Variants in RO60 observed in about 807,000 individuals in gnomAD.
RO60 encodes the protein RNA-binding protein RO60.
A neutral mutation model predicts 55.3 loss-of-function variants in RO60; 20 were observed. The observed-to-expected ratio is 0.36, with a 90% CI of 0.25 to 0.53. RO60 has a LOEUF of 0.53. RO60 is among the 20% of genes least tolerant of loss of function. RO60 has a pLI of 0.92. For synonymous variants in RO60, 213 were observed against 213.6 expected (o/e 1.00, Z 0.02); for missense variants, 558 against 646.6 (o/e 0.86, Z 1.49).
chr1:193,082,344 A>C, intron 7 of RO60, 45 bp downstream of exon 7: 1 of 1,448,348 alleles, frequency 6.9e-7, no homozygotes, highest in Non-Finnish European at 9.6e-7. Flanking sequence ...AGTTTACATA[A>C]CGTGTAGAAT....
At chr1:193,081,766 A>C (rs1442540673) in intron 6 of RO60, among the ~76,000 whole-genome samples, 2 of 152,106 alleles carry the variant, frequency 1.3e-5, no homozygotes, top group Admixed American at 1.3e-4. Context: ...AAAATGAAAA[A>C]AAGACAAATT....
chr1:193,079,960 C>CT (rs1448038266), intron 5 of RO60, among the ~76,000 whole-genome samples: 2 of 141,590 alleles, frequency 1.4e-5, no homozygotes, highest in Non-Finnish European at 3.1e-5. Flanking sequence ...TACCCCGTCT[C>CT]TAAAAAAAAA....
chr1:193,077,383 C>T (rs908066596), intron 5 of RO60, among the ~76,000 whole-genome samples: 6 of 152,098 alleles, frequency 3.9e-5, no homozygotes, highest in African/African-American at 1.4e-4. Flanking sequence ...GCTCATGGTT[C>T]CACAGGTTGT....
intron 2 of RO60, among the ~76,000 whole-genome samples, chr1:193,073,365 A>G (rs1673653436): frequency 6.6e-6 from 1 of 152,226 alleles, no homozygotes; most frequent in Non-Finnish European, 1.5e-5. Context: ...GATGTGTTTC[A>G]TGTGGCCTAT....
chr1:193,073,304 A>G (rs939295282), intron 2 of RO60, among the ~76,000 whole-genome samples: 1 of 152,238 alleles, frequency 6.6e-6, no homozygotes, highest in African/African-American at 2.4e-5. Flanking sequence ...TTAACTTTTG[A>G]TCAAGTTATT....
At chr1:193,082,809 G>A in intron 8 of RO60, 101 bp downstream of exon 8, 1 of 1,038,034 alleles carries the variant, frequency 9.6e-7, no homozygotes, top group Non-Finnish European at 1.3e-6. Context: ...CTGTTGCCCT[G>A]GCTGGAGTGC....
intron 1 of RO60, among the ~76,000 whole-genome samples, chr1:193,062,692 C>T (rs936298750): frequency 2.0e-5 from 3 of 152,154 alleles, no homozygotes; most frequent in Admixed American, 1.3e-4. Flanking sequence ...TCCCCCACTC[C>T]GACAGCCTCT....
At chr1:193,071,970 A>G (rs2370079) in intron 2 of RO60, among the ~76,000 whole-genome samples, 106,176 of 151,302 alleles carry the variant, frequency 0.7, 37,858 homozygotes, top group Non-Finnish European at 0.77. Context: ...ATTGATTGTG[A>G]TCACTATTCA....
Position 193,081,474 on chromosome 1 carries a change from G to A in RO60, c.1197G>A (p.Met399Ile), listed in dbSNP as rs1674310020. Reference protein sequence around the residue: ...ILNASTVAAAMCMVVTRTEKD... With the variant: ...ILNASTVAAAICMVVTRTEKD... ...ACGCTAGTACAGTTGCTGCAGCAAT[G>A]TGCATGGTGAGAACACCTAAGACAA... Residue 399 changes from methionine (M) to isoleucine (I), a missense_variant, in exon 6 of 9, where the codon ATG (methionine) becomes ATA (isoleucine). Met to Ile is a conservative substitution (Grantham distance 10, BLOSUM62 1). Transcript: ENST00000400968. The A allele has an allele frequency of 6.3e-7, 1 of 1,597,606 alleles. No individual in the cohort carries two copies. The highest frequency in any genetic ancestry group is 1.7e-5 in the Admixed American group (1 of 59,594).
Position 193,069,610 on chromosome 1 carries a change from T to A in RO60, c.556T>A (p.Ser186Thr). 6.2e-7 allele frequency: 1 copy of A among 1,613,226 alleles called. No homozygotes were observed. The highest frequency in any genetic ancestry group is 8.5e-7 in the Non-Finnish European group (1 of 1,179,258). ...GTCTCACAAAGATCTATTAAGATTG[T>A]CACATCTTAAACCTTCCAGTGAAGG... ...GWSHKDLLRLSHLKPSSEGLA... is the reference protein window; with the variant it reads ...GWSHKDLLRLTHLKPSSEGLA... Residue 186 changes from serine to threonine, a missense_variant, in exon 2 of 9, where the codon TCA becomes ACA. Ser to Thr is a moderately conservative substitution (Grantham distance 58). Transcript: ENST00000400968.
chr1:193,062,913 A>AT (rs1271392021), intron 1 of RO60, among the ~76,000 whole-genome samples: 1 of 151,950 alleles, frequency 6.6e-6, no homozygotes, highest in Non-Finnish European at 1.5e-5. Context: ...GATATACCAT[A>AT]TTTTTTTCAT....
chr1:193,077,530 T>C (rs1281271442), intron 5 of RO60, among the ~76,000 whole-genome samples: 1 of 152,158 alleles, frequency 6.6e-6, no homozygotes, highest in African/African-American at 2.4e-5. Context: ...GGAAGCTCCT[T>C]ATAAAACCAT....
At chr1:193,062,087 G>C (rs1463986142) in intron 1 of RO60, among the ~76,000 whole-genome samples, 1 of 151,966 alleles carries the variant, frequency 6.6e-6, no homozygotes, top group Non-Finnish European at 1.5e-5. Context: ...TTAGTTGTAT[G>C]GTGTGTTTTA....
In RO60 at chr1:193,088,960, A is replaced by T. The variant is rs945310103; in HGVS notation, c.*4229A>T. 2 of 152,138 alleles carry T rather than the reference A, an allele frequency of 1.3e-5. No homozygotes were observed. Among genetic ancestry groups the T allele is most frequent in the African/African-American group, 2.4e-5 (1 of 41,440 alleles). The allele number at this position is 152,138 out of a possible 1,614,324, so 9.4% of individuals were successfully genotyped here. A position where few individuals can be genotyped will look rare whatever the true frequency, so the allele number is the denominator to read the frequency against. The stretch of plus-strand genomic sequence containing the variant: ...TGGATAATAAAATGAATGACAGGAA[A>T]GTCACCCACATAGAGGTTTGGGATG... On this transcript the variant is annotated 3_prime_UTR_variant, in exon 9 of 9. Coordinates refer to ENST00000400968, the MANE Select transcript of RO60 (RefSeq NM_001173524.2).
chr1:193,065,364 G>C (rs1307036203), intron 1 of RO60, among the ~76,000 whole-genome samples: 1 of 152,134 alleles, frequency 6.6e-6, no homozygotes, highest in African/African-American at 2.4e-5. Context: ...TTTGGTTTGG[G>C]ACCTTTTAAA....
rs1198644602 is a variant in RO60 at position 193,091,166 on chromosome 1, A to C, written c.*6435A>C. ...AGTTCCAAAAATAATTAATTTTTTA[A>C]GGGAATTTTTCAAGACAAAAGGCAA... On this transcript the variant is annotated 3_prime_UTR_variant, in exon 9 of 9. Coordinates refer to ENST00000400968, the MANE Select transcript of RO60 (RefSeq NM_001173524.2). 6.6e-6 allele frequency: 1 copy of C among 152,532 alleles called. No individual in the cohort carries two copies. The highest frequency in any genetic ancestry group is 2.4e-5 in the African/African-American group (1 of 41,468). The allele number at this position is 152,532 out of a possible 1,614,324, so 9.4% of individuals were successfully genotyped here. A position where few individuals can be genotyped will look rare whatever the true frequency, so the allele number is the denominator to read the frequency against.
rs1418410200 is a variant in RO60, at chr1:193,088,288, AG to A, written c.*3559del. 4 of 149,550 alleles carry A rather than the reference AG, an allele frequency of 2.7e-5. No individual in the cohort carries two copies. The highest frequency in any genetic ancestry group is 2.1e-4 in the South Asian group (1 of 4,738). 9.3% of individuals were successfully genotyped at this position (149,550 alleles called of 1,614,324 possible). A position where few individuals can be genotyped will look rare whatever the true frequency, so the allele number is the denominator to read the frequency against. On this transcript the variant is annotated 3_prime_UTR_variant, in exon 9 of 9. Coordinates refer to ENST00000400968, the MANE Select transcript of RO60 (RefSeq NM_001173524.2). ...TGGCCTCCCGAAGTGCTGGAATTAG[AG>A]GCATGAGCCACTGCACCCAGCCAGC...
chr1:193,076,461 C>T, intron 3 of RO60, 40 bp from the exon 4 acceptor site: 3 of 1,595,750 alleles, frequency 1.9e-6, no homozygotes, highest in Non-Finnish European at 2.6e-6. Flanking sequence ...GATTTATTTT[C>T]CCTTAATTCC....
At chr1:193,067,280 G>A (rs1279522203) in intron 1 of RO60, among the ~76,000 whole-genome samples, 1 of 150,678 alleles carries the variant, frequency 6.6e-6, no homozygotes. Context: ...CCGCCTCCCG[G>A]GTTCACGCCA....
Sources: allele counts gnomAD v4.1 joint callset (sites outside exome capture counted in the v4.1 genomes callset), GRCh38; gene constraint gnomAD v4.1.1; transcripts MANE v1.5; gene names NCBI Gene and HGNC (gene_info 2026-07-23, HGNC 2026-07-21).